KCTD21: variants seen among roughly 807,000 people sequenced by gnomAD.
KCTD21 encodes the protein BTB/POZ domain-containing protein KCTD21.
Under a neutral mutation model 13.2 loss-of-function variants are expected in KCTD21, and 9 were observed. The ratio of observed to expected loss-of-function variants is 0.68; its 90% CI spans 0.41 to 1.19. The LOEUF is 1.19. Ranked by LOEUF, KCTD21 falls within the 50% of genes most tolerant of loss-of-function variation. The pLI is 0.01. For missense variants in KCTD21, 303 were observed against 336.5 expected (o/e 0.90, Z 0.78); for synonymous variants, 142 against 137.4 (o/e 1.03, Z -0.23).
rs1210862221 is a variant in KCTD21, at chr11:78,173,901, G to C, written c.654C>G (p.Asn218Lys). 3 of 1,614,104 alleles carry C rather than the reference G, an allele frequency of 1.9e-6. No individual in the cohort carries two copies. The highest frequency in any genetic ancestry group is 2.5e-6 in the Non-Finnish European group (3 of 1,180,048). ...CCTCTTCCACGAAGACCTGGAAGCTGTTGATCTGCTTGTTGGCGGGCACCA... is the reference window on the plus strand; with the variant it reads ...CCTCTTCCACGAAGACCTGGAAGCTCTTGATCTGCTTGTTGGCGGGCACCA... Reference protein sequence around the residue: ...LWVVPANKQINSFQVFVEEVL... With the variant: ...LWVVPANKQIKSFQVFVEEVL... The change falls in exon 2 of 2, where the codon AAC becomes AAG. Residue 218 changes from asparagine to lysine, a missense_variant. Asn to Lys is a moderately conservative substitution (Grantham distance 94). Coordinates refer to ENST00000340067, the MANE Select transcript of KCTD21 (RefSeq NM_001029859.3).
chr11:78,187,933 C>T, intron 1 of KCTD21: 7 of 985,280 alleles, frequency 7.1e-6, no homozygotes, highest in Non-Finnish European at 8.4e-6. Context: ...ACATTCCTCA[C>T]CTGTCAACCG....
At chr11:78,174,614 T>C (rs1337083608) in intron 1 of KCTD21, 31 bp from the exon 2 acceptor site, 6 of 1,456,814 alleles carry the variant, frequency 4.1e-6, no homozygotes, top group Non-Finnish European at 5.6e-6. Flanking sequence ...GAAATGACTA[T>C]AACCAAACCT....
intron 1 of KCTD21, among the ~76,000 whole-genome samples, chr11:78,181,947 A>C (rs762326111): frequency 6.6e-6 from 1 of 152,142 alleles, no homozygotes; most frequent in Non-Finnish European, 1.5e-5. Context: ...TGTGTCTATG[A>C]ACTGGATCAT....
intron 1 of KCTD21, chr11:78,186,601 A>C: frequency 3.4e-6 from 2 of 593,602 alleles, no homozygotes; most frequent in Non-Finnish European, 4.2e-6. Flanking sequence ...TTTATTGAGC[A>C]GTTACTACCG....
intron 1 of KCTD21, among the ~76,000 whole-genome samples, chr11:78,177,412 G>A (rs1478501789): frequency 6.6e-6 from 1 of 152,130 alleles, no homozygotes; most frequent in South Asian, 2.1e-4. Context: ...TCCCACAGAG[G>A]TGTGGGCGAG....
chr11:78,184,323 G>T (rs1304603787), intron 1 of KCTD21, among the ~76,000 whole-genome samples: 1 of 151,882 alleles, frequency 6.6e-6, no homozygotes, highest in Non-Finnish European at 1.5e-5. Flanking sequence ...AATAGGTGGA[G>T]AAGCTCTATT....
chr11:78,179,757 T>C (rs1285284281), intron 1 of KCTD21, among the ~76,000 whole-genome samples: 1 of 152,156 alleles, frequency 6.6e-6, no homozygotes, highest in African/African-American at 2.4e-5. Context: ...TGCCCTGCCT[T>C]TGCTGTCCCT....
chr11:78,185,614 T>G (rs1383969508), intron 1 of KCTD21, among the ~76,000 whole-genome samples: 1 of 151,274 alleles, frequency 6.6e-6, no homozygotes, highest in Non-Finnish European at 1.5e-5. Context: ...TTTTTTGAGA[T>G]AGAGTCTCGC....
intron 1 of KCTD21, chr11:78,174,799 GGAAA>G: frequency 2.3e-6 from 1 of 435,130 alleles, no homozygotes; most frequent in Non-Finnish European, 4.1e-6. Flanking sequence ...AAGGAAACAG[GGAAA>G]GAAAGGGAAG....
chr11:78,187,369 AC>A, intron 1 of KCTD21: 3 of 985,234 alleles, frequency 3.0e-6, no homozygotes, highest in Non-Finnish European at 3.6e-6. Context: ...TACCATCACA[AC>A]CCATAGGGAG....
At chr11:78,187,153 CA>C in intron 1 of KCTD21, 1 of 985,418 alleles carries the variant, frequency 1.0e-6, no homozygotes, top group Non-Finnish European at 1.2e-6. Flanking sequence ...TCAAAAAAGA[CA>C]ATGCTCAGAG....
intron 1 of KCTD21, chr11:78,187,247 G>A: frequency 1.0e-6 from 1 of 985,212 alleles, no homozygotes; most frequent in South Asian, 4.7e-5. Flanking sequence ...AAGCCCCTAG[G>A]ACGACTACCC....
Position 78,172,233 on chromosome 11 carries a change from A to G in KCTD21, c.*1539T>C, listed in dbSNP as rs1862299541. 6.6e-6 allele frequency: 1 copy of G among 152,312 alleles called. No homozygotes were observed. Among genetic ancestry groups the G allele is most frequent in the Non-Finnish European group, 1.5e-5 (1 of 68,166 alleles). The allele number at this position is 152,312 out of a possible 1,614,324, so 9.4% of individuals were successfully genotyped here. ...GCTTGGGTTGCTTGCCCTGGATGGC[A>G]CCCTACAGAGACCCAGGGGTGGGAC... On this transcript the variant is annotated 3_prime_UTR_variant, in exon 2 of 2. Coordinates refer to ENST00000340067, the MANE Select transcript of KCTD21 (RefSeq NM_001029859.3).
At chr11:78,183,673 C>T (rs1280164322) in intron 1 of KCTD21, among the ~76,000 whole-genome samples, 14 of 147,626 alleles carry the variant, frequency 9.5e-5, no homozygotes, top group Non-Finnish European at 1.3e-4. Context: ...GTCTCACTGT[C>T]GCCCAGGCTG....
At chr11:78,188,539 C>T (rs1451759548) in intron 1 of KCTD21, 34 bp downstream of exon 1, 12 of 985,406 alleles carry the variant, frequency 1.2e-5, no homozygotes, top group Non-Finnish European at 1.4e-5. Context: ...CCGGTAGTCC[C>T]CGAGCCCCGC....
In KCTD21 at chr11:78,173,804, T is replaced by C. The variant is rs1248349696; in HGVS notation, c.751A>G (p.Asn251Asp). 1.2e-6 allele frequency: 2 copies of C among 1,613,942 alleles called. No homozygotes were observed. Among genetic ancestry groups the C allele is most frequent in the Non-Finnish European group, 8.5e-7 (1 of 1,179,934 alleles). Residue 251 changes from asparagine to aspartate, a missense_variant, in exon 2 of 2, where the codon AAT becomes GAT. Coordinates refer to ENST00000340067, the MANE Select transcript of KCTD21 (RefSeq NM_001029859.3). Reference sequence around the variant, plus strand: ...TACCGTATTAATCGAATAATCTTATTGTTCATAAAATCCAGAGCATGTGGG... The same window carrying C: ...TACCGTATTAATCGAATAATCTTATCGTTCATAAAATCCAGAGCATGTGGG... ...SHPHALDFMN[N>D]KIIRLIRYR is the part of the protein sequence containing the mutation.
Position 78,173,742 on chromosome 11 carries a change from C to A in KCTD21, c.*30G>T. ...CCTGGCTGACATGAGCTTCCTGGGA[C>A]TCCCCATCTCCAGTGTTGTTGGGGT... On this transcript the variant is annotated 3_prime_UTR_variant, in exon 2 of 2. Coordinates refer to ENST00000340067, the MANE Select transcript of KCTD21 (RefSeq NM_001029859.3). The A allele has an allele frequency of 6.4e-7, 1 of 1,568,978 alleles. No homozygotes were observed. Among genetic ancestry groups the A allele is most frequent in the Non-Finnish European group, 8.7e-7 (1 of 1,152,190 alleles).
intron 1 of KCTD21, among the ~76,000 whole-genome samples, chr11:78,176,690 G>C (rs1369131376): frequency 6.6e-6 from 1 of 152,136 alleles, no homozygotes; most frequent in Non-Finnish European, 1.5e-5. Flanking sequence ...AATGAACCTT[G>C]GCACATCAAA....
intron 1 of KCTD21, among the ~76,000 whole-genome samples, chr11:78,178,203 G>A (rs1312337890): frequency 6.6e-6 from 1 of 150,428 alleles, no homozygotes; most frequent in Non-Finnish European, 1.5e-5. Context: ...TCAGCTCACT[G>A]CAACCTCTGC....
Sources: gnomAD v4.1 joint callset for allele counts (sites outside exome capture counted in the v4.1 genomes callset) on GRCh38, gnomAD v4.1.1 for gene constraint, MANE v1.5 for transcripts, NCBI Gene and HGNC (gene_info 2026-07-23, HGNC 2026-07-21) for gene names.